The following METAP2 variants were observed in gnomAD, a reference collection of about 807,000 sequenced individuals.
METAP2 encodes the protein methionine aminopeptidase 2.
METAP2 carries 25 observed loss-of-function variants against 59.4 expected under a neutral mutation model. That is an observed-to-expected ratio of 0.42 (90% CI 0.31 to 0.59). The LOEUF (loss-of-function observed/expected upper bound fraction) is 0.59. Among genes scored for constraint, METAP2 ranks in the 20% least tolerant of loss-of-function variants. METAP2 has a pLI of 0.16. For missense variants in METAP2, 366 were observed against 581.2 expected (o/e 0.63, Z 3.81); for synonymous variants, 214 against 194.1 (o/e 1.10, Z -0.85).
At chr12:95,509,847 C>CTT (rs1210964780) in intron 8 of METAP2, among the ~76,000 whole-genome samples, 79 of 131,588 alleles carry the variant, frequency 6.0e-4, no homozygotes, top group African/African-American at 1.1e-3. Context: ...CCCCCCCAAC[C>CTT]TTTTTTTTTT....
At chr12:95,491,550 G>A (rs994968034) in intron 4 of METAP2, among the ~76,000 whole-genome samples, 7 of 151,790 alleles carry the variant, frequency 4.6e-5, no homozygotes, top group South Asian at 2.1e-4. Context: ...TCATTCTGTC[G>A]CCCAGGCTGG....
intron 1 of METAP2, among the ~76,000 whole-genome samples, chr12:95,475,637 T>C (rs2076112697): frequency 6.6e-6 from 1 of 152,202 alleles, no homozygotes; most frequent in Admixed American, 6.5e-5. Flanking sequence ...TCTTTGCCTA[T>C]TTATTTTGAC....
chr12:95,479,671 C>A (rs1040006001), intron 2 of METAP2, among the ~76,000 whole-genome samples: 1 of 151,262 alleles, frequency 6.6e-6, no homozygotes, highest in African/African-American at 2.4e-5. Context: ...TGCAGTGGCA[C>A]GATCTCAGCT....
At chr12:95,488,373 G>A (rs2076212690) in intron 4 of METAP2, among the ~76,000 whole-genome samples, 1 of 151,814 alleles carries the variant, frequency 6.6e-6, no homozygotes, top group African/African-American at 2.4e-5. Context: ...GCCGGGTGCA[G>A]TGGTGCGTGC....
At chr12:95,477,661 A>G (rs938918883) in intron 2 of METAP2, among the ~76,000 whole-genome samples, 17 of 152,200 alleles carry the variant, frequency 1.1e-4, no homozygotes, top group Admixed American at 5.9e-4. Context: ...GCTGCCTACT[A>G]CTGAGAACAT....
intron 8 of METAP2, among the ~76,000 whole-genome samples, chr12:95,506,194 C>T (rs61067017): frequency 9.9e-5 from 15 of 151,900 alleles, no homozygotes; most frequent in Non-Finnish European, 2.1e-4. Flanking sequence ...CGGTGGAGTG[C>T]GCTCAGCTTC....
At chr12:95,474,430 A>G in intron 1 of METAP2, 100 bp downstream of exon 1, 3 of 1,299,554 alleles carry the variant, frequency 2.3e-6, no homozygotes, top group Non-Finnish European at 3.2e-6. Context: ...CAGAGCCCCG[A>G]CTAGACTGAT....
intron 8 of METAP2, among the ~76,000 whole-genome samples, chr12:95,510,456 TGA>T (rs762980673): frequency 6.4e-4 from 98 of 152,218 alleles, no homozygotes; most frequent in African/African-American, 2.3e-3. Context: ...ATGAGAAGTT[TGA>T]GAGAGAGAGC....
In METAP2 at chr12:95,512,001, A is replaced by G. The variant is rs200033822; in HGVS notation, c.1068+3A>G. 1 of 1,600,030 alleles carries G rather than the reference A, an allele frequency of 6.2e-7. No homozygotes were observed. On this transcript the variant is annotated splice_donor_region_variant and intron_variant, in intron 9 of 10. Transcript: ENST00000323666. ...GAGGGGAGGCAACAAGAATGGAGGT[A>G]TGTGTGTCACTAACATTTTACTTCC...
intron 2 of METAP2, among the ~76,000 whole-genome samples, chr12:95,482,748 C>T (rs56166783): frequency 0.076 from 11,552 of 152,040 alleles, 570 homozygotes; most frequent in African/African-American, 0.13. Flanking sequence ...GCTGAGATTG[C>T]GCCATTGCAC....
chr12:95,513,827 T>C lies in METAP2; in HGVS notation c.1360T>C (p.Tyr454His). ...YPPLCDIKGS[Y>H]TAQFEHTILL... ...ACCATTATGTGACATTAAAGGATCATATACAGCGCAATTTGAACATACCAT... is the reference window on the plus strand; with the variant it reads ...ACCATTATGTGACATTAAAGGATCACATACAGCGCAATTTGAACATACCAT... Residue 454 changes from tyrosine (Y) to histidine (H), a missense_variant, in exon 11 of 11, where the codon TAT (tyrosine) becomes CAT (histidine). Tyr to His is a moderately conservative substitution (Grantham distance 83, BLOSUM62 2). This residue lies in a region of METAP2 where 82 missense variants were observed against 156.2 expected (regional missense o/e 0.52). Coordinates refer to ENST00000323666, the MANE Select transcript of METAP2 (RefSeq NM_006838.4). 1 of 1,614,234 alleles carries C rather than the reference T, an allele frequency of 6.2e-7. No homozygotes were observed. The highest frequency in any genetic ancestry group is 8.5e-7 in the Non-Finnish European group (1 of 1,180,030).
At chr12:95,487,168 C>A (rs2076203334) in intron 4 of METAP2, among the ~76,000 whole-genome samples, 1 of 152,152 alleles carries the variant, frequency 6.6e-6, no homozygotes. Context: ...AAAGTAATAA[C>A]CTGTCACCCA....
intron 3 of METAP2, among the ~76,000 whole-genome samples, chr12:95,484,589 A>G (rs956895114): frequency 6.6e-6 from 1 of 151,910 alleles, no homozygotes; most frequent in Non-Finnish European, 1.5e-5. Context: ...GGACTGTTTT[A>G]TATTTGCCCT....
At position 95,474,278 on chromosome 12, in the gene METAP2, A is replaced by G. The variant is rs1317167885; in HGVS notation, c.99A>G (p.Glu33=). 1.2e-6 allele frequency: 2 copies of G among 1,614,196 alleles called. No homozygotes were observed. The highest frequency in any genetic ancestry group is 1.7e-5 in the Admixed American group (1 of 60,028). ...REEGAASTAE[E]AAKKKRRKKK... ...AAGGAGCTGCCTCTACGGCTGAGGAAGCAGCCAAGAAAAAAAGACGAAAGA... is the reference window on the plus strand; with the variant it reads ...AAGGAGCTGCCTCTACGGCTGAGGAGGCAGCCAAGAAAAAAAGACGAAAGA... The change falls in exon 1 of 11, where the codon GAA becomes GAG. Residue 33 remains glutamate (E), a synonymous_variant. Transcript: ENST00000323666.
rs534301321 is a variant in METAP2, at chr12:95,498,081, C to G, written c.867+1983C>G. On this transcript the variant is annotated intron_variant, in intron 7 of 10. Coordinates refer to ENST00000323666, the MANE Select transcript of METAP2 (RefSeq NM_006838.4). ...CTGGGAGGCGGAGCTTGCAGTGAGCCGAGATCGCCCCACTGCACTCCAGCC... is the reference window on the plus strand; with the variant it reads ...CTGGGAGGCGGAGCTTGCAGTGAGCGGAGATCGCCCCACTGCACTCCAGCC... Among the ~76,000 whole-genome samples the G allele has an allele frequency of 4.0e-5, 6 of 150,814 alleles. No individual in the cohort carries two copies. The East Asian group carries it at 1.2e-3, about 30-fold the overall frequency.
rs201674273 is a variant in METAP2 at position 95,474,205 on chromosome 12, C to T, written c.26C>T (p.Ala9Val). ...ATGGCGGGTGTGGAGGAGGTAGCGG[C>T]CTCCGGGAGCCACCTGAATGGCGAC... Reference protein sequence around the residue: MAGVEEVAASGSHLNGDLD... With the variant: MAGVEEVAVSGSHLNGDLD... Residue 9 changes from alanine (A) to valine (V), a missense_variant, in exon 1 of 11, where the codon GCC becomes GTC. By Grantham distance (64) the Ala-to-Val change is moderately conservative. This residue lies in a region of METAP2 where 177 missense variants were observed against 180.3 expected (regional missense o/e 0.98). Transcript: ENST00000323666. 1 of 1,614,114 alleles carries T rather than the reference C, an allele frequency of 6.2e-7. No homozygotes were observed. Among genetic ancestry groups the T allele is most frequent in the Non-Finnish European group, 8.5e-7 (1 of 1,179,998 alleles).
intron 8 of METAP2, among the ~76,000 whole-genome samples, chr12:95,505,524 C>G (rs2140161789): frequency 6.6e-6 from 1 of 151,312 alleles, no homozygotes; most frequent in South Asian, 2.1e-4. Flanking sequence ...CTTGCTCTGT[C>G]ACCCAGGCTG....
chr12:95,515,202 A>G lies in METAP2; in HGVS notation c.*1298A>G, dbSNP rs568595447. 1.3e-5 allele frequency: 2 copies of G among 152,774 alleles called. 1 individual carries two copies. The highest frequency in any genetic ancestry group is 4.8e-5 in the African/African-American group (2 of 41,580). 9.5% of individuals were successfully genotyped at this position (152,774 alleles called of 1,614,324 possible). A position where few individuals can be genotyped will look rare whatever the true frequency, so the allele number is the denominator to read the frequency against. On this transcript the variant is annotated 3_prime_UTR_variant, in exon 11 of 11. Transcript: ENST00000323666. ...GTTTTTATCCTAGGAAGAGAAACCT[A>G]TGACTTGTGTACCTAGATCATCTGT...
At chr12:95,482,376 G>A (rs1030425080) in intron 2 of METAP2, among the ~76,000 whole-genome samples, 1 of 152,064 alleles carries the variant, frequency 6.6e-6, no homozygotes, top group African/African-American at 2.4e-5. Flanking sequence ...GCCTCCCAAA[G>A]TGCTAGGATT....
Sources: allele counts gnomAD v4.1 joint callset (sites outside exome capture counted in the v4.1 genomes callset), GRCh38; gene constraint gnomAD v4.1.1; regional missense constraint gnomAD v4.1.1; transcripts MANE v1.5; gene names NCBI Gene and HGNC (gene_info 2026-07-23, HGNC 2026-07-21).